Variants in DEPDC5 observed in about 807,000 individuals in gnomAD.
DEPDC5 encodes DEP domain containing 5, GATOR1 subcomplex subunit.
DEPDC5 carries 73 observed loss-of-function variants against 217.3 expected under a neutral mutation model. The ratio of observed to expected loss-of-function variants is 0.34; its 90% CI spans 0.28 to 0.41. The LOEUF is 0.41. Ranked by LOEUF, DEPDC5 falls within the 10% of genes least tolerant of loss-of-function variation. The probability of loss-of-function intolerance (pLI) is 1.00; values close to 1 mark genes in which losing one functional copy is unlikely to be tolerated. For synonymous variants in DEPDC5, 733 were observed against 756.7 expected, an observed-to-expected ratio of 0.97 and a Z score of 0.51; for missense variants, 1,675 against 2,070.1, an observed-to-expected ratio of 0.81 and a Z score of 3.70.
chr22:31,884,071 C>A (rs1309785417), intron 38 of DEPDC5, among the ~76,000 whole-genome samples: 1 of 152,186 alleles, frequency 6.6e-6, no homozygotes, highest in Non-Finnish European at 1.5e-5. Context: ...GCTGCCAAAC[C>A]TCATTACACA....
At position 31,765,896 on chromosome 22, in the gene DEPDC5, C is replaced by A. The variant is rs566520534; in HGVS notation, c.280-689C>A. On this transcript the variant is annotated intron_variant, in intron 5 of 42. Coordinates refer to ENST00000651528, the MANE Select transcript of DEPDC5 (RefSeq NM_001242896.3). ...AACTTAGCTGGGTGTGGTGGCGCACCCCTGAAGTCCCATCTACTCGGGAGG... is the reference window on the plus strand; with the variant it reads ...AACTTAGCTGGGTGTGGTGGCGCACACCTGAAGTCCCATCTACTCGGGAGG... 3.3e-5 allele frequency among the ~76,000 whole-genome samples: 5 copies of A among 152,096 alleles called. No homozygotes were observed. The South Asian group carries it at 6.2e-4, about 19-fold the overall frequency.
At chr22:31,808,227 C>G (rs1001525659) in intron 18 of DEPDC5, among the ~76,000 whole-genome samples, 1 of 151,168 alleles carries the variant, frequency 6.6e-6, no homozygotes, top group Non-Finnish European at 1.5e-5. Context: ...TCCCCAATAG[C>G]TAGGACTACA....
intron 31 of DEPDC5, 42 bp downstream of exon 31, chr22:31,847,009 G>T (rs1401728980): frequency 6.2e-7 from 1 of 1,613,416 alleles, no homozygotes. Flanking sequence ...CACCTTGACA[G>T]CCCTGAGGGT....
intron 10 of DEPDC5, among the ~76,000 whole-genome samples, chr22:31,787,246 C>A (rs776033949): frequency 7.9e-5 from 12 of 151,752 alleles, no homozygotes; most frequent in Non-Finnish European, 1.8e-4. Context: ...CCACACCTAG[C>A]TAATTTTTTG....
At chr22:31,884,009 A>G (rs1395412211) in intron 38 of DEPDC5, among the ~76,000 whole-genome samples, 4 of 152,112 alleles carry the variant, frequency 2.6e-5, no homozygotes, top group East Asian at 1.9e-4. Flanking sequence ...TGATCTTGCT[A>G]TCATTCTCCC....
chr22:31,819,942 A>G (rs1409027841), intron 22 of DEPDC5, among the ~76,000 whole-genome samples: 4 of 152,096 alleles, frequency 2.6e-5, no homozygotes, highest in African/African-American at 9.7e-5. Context: ...CTGACAACTG[A>G]AAAAAAATTT....
chr22:31,879,441 A>T, intron 37 of DEPDC5, 84 bp from the exon 38 acceptor site: 1 of 1,303,262 alleles, frequency 7.7e-7, no homozygotes, highest in Non-Finnish European at 1.1e-6. Flanking sequence ...GCGTGTTTTT[A>T]AGGTTTATCA....
chr22:31,833,337 A>G (rs1323546321), intron 24 of DEPDC5, among the ~76,000 whole-genome samples: 2 of 152,214 alleles, frequency 1.3e-5, no homozygotes, highest in African/African-American at 2.4e-5. Context: ...CAGCCCAGTT[A>G]TAGGTAAAAT....
At chr22:31,903,045 C>G (rs1343138997) in intron 41 of DEPDC5, among the ~76,000 whole-genome samples, 3 of 151,898 alleles carry the variant, frequency 2.0e-5, no homozygotes, top group Non-Finnish European at 4.4e-5. Flanking sequence ...CCTCCTCAGC[C>G]AGCTTTTTCT....
chr22:31,845,038 T>C lies in DEPDC5; in HGVS notation c.2822T>C (p.Phe941Ser). Residue 941 changes from phenylalanine to serine, a missense_variant, in exon 30 of 43, where the codon TTC becomes TCC. Coordinates refer to ENST00000651528, the MANE Select transcript of DEPDC5 (RefSeq NM_001242896.3). The part of the protein sequence containing the change: ...EDFSLIESLK[F>S]WRTRFLLLPA... ...CTTAGCTTAATTGAGTCCCTGAAGT[T>C]CTGGAGGACCCGCTTCCTGCTGCTG... 7.4e-6 allele frequency: 12 copies of C among 1,614,128 alleles called. No individual in the cohort carries two copies. The highest frequency in any genetic ancestry group is 1.0e-5 in the Non-Finnish European group (12 of 1,180,022).
chr22:31,889,216 G>A (rs1336829318), intron 38 of DEPDC5, among the ~76,000 whole-genome samples: 1 of 152,206 alleles, frequency 6.6e-6, no homozygotes, highest in Non-Finnish European at 1.5e-5. Flanking sequence ...GGTTCTCATG[G>A]AACTCACGTA....
intron 31 of DEPDC5, among the ~76,000 whole-genome samples, chr22:31,855,027 C>G (rs1468729550): frequency 6.7e-6 from 1 of 150,350 alleles, no homozygotes. Flanking sequence ...TGCTGTGGCA[C>G]AATCTCGGCT....
At chr22:31,812,192 G>GT (rs1417790785) in intron 20 of DEPDC5, among the ~76,000 whole-genome samples, 1 of 150,498 alleles carries the variant, frequency 6.6e-6, no homozygotes, top group East Asian at 2.0e-4. Flanking sequence ...GTTTCACTGT[G>GT]TTGGCCAGGC....
At position 31,815,824 on chromosome 22, in the gene DEPDC5, C is replaced by T. The variant is rs1016935017; in HGVS notation, c.1666+612C>T. The T allele has an allele frequency of 3.3e-5, 40 of 1,199,478 alleles. No homozygotes were observed. The South Asian group carries it at 6.1e-4, about 18-fold the overall frequency. The allele number at this position is 1,199,478 out of a possible 1,614,324, so 74.3% of individuals were successfully genotyped here. A position where few individuals can be genotyped will look rare whatever the true frequency, so the allele number is the denominator to read the frequency against. ...GATTACAGGCATGAACCAATGTTAC[C>T]GCACCCTGCCTCTATTATACTATTT... On this transcript the variant is annotated intron_variant, in intron 21 of 42. Transcript: ENST00000651528.
chr22:31,891,103 A>C, intron 38 of DEPDC5: 1 of 408,180 alleles, frequency 2.4e-6, no homozygotes. Context: ...AACACAATCT[A>C]GGTCAATCTT....
At chr22:31,803,906 T>A (rs1207586651) in intron 15 of DEPDC5, among the ~76,000 whole-genome samples, 4 of 152,186 alleles carry the variant, frequency 2.6e-5, no homozygotes, top group Admixed American at 1.3e-4. Flanking sequence ...TTTAAACAAG[T>A]CATGACCTGT....
rs2093766403 is a variant in DEPDC5 at position 31,906,793 on chromosome 22, G to C, written c.*296G>C. 1 of 496,780 alleles carries C rather than the reference G, an allele frequency of 2.0e-6. No individual in the cohort carries two copies. Among genetic ancestry groups the C allele is most frequent in the African/African-American group, 1.9e-5 (1 of 52,186 alleles). 30.8% of individuals were successfully genotyped at this position (496,780 alleles called of 1,614,324 possible). ...GTCCGTGGGAGGGCTCCAGTGTCTG[G>C]GAAGAGGGCAGGCGGCCCCCATGAA... On this transcript the variant is annotated 3_prime_UTR_variant, in exon 43 of 43. Transcript: ENST00000651528. The surrounding 1 kb of genome is among the most constrained non-coding windows in gnomAD (Gnocchi z 5.1).
intron 4 of DEPDC5, among the ~76,000 whole-genome samples, chr22:31,762,449 A>T: frequency 6.6e-6 from 1 of 152,314 alleles, no homozygotes; most frequent in African/African-American, 2.4e-5. Flanking sequence ...AGAGAAAAAA[A>T]CAAAATTCTG....
chr22:31,801,844 C>A (rs2086897826), intron 14 of DEPDC5, among the ~76,000 whole-genome samples: 1 of 152,096 alleles, frequency 6.6e-6, no homozygotes, highest in East Asian at 1.9e-4. Context: ...AATTCTAGAG[C>A]ATAATGTCTT....
Sources: gnomAD v4.1 joint callset for allele counts (sites outside exome capture counted in the v4.1 genomes callset) on GRCh38, gnomAD v4.1.1 for gene constraint, Gnocchi (gnomAD v3.1) non-coding constraint, MANE v1.5 for transcripts, NCBI Gene and HGNC (gene_info 2026-07-23, HGNC 2026-07-21) for gene names.